Variants in LEPROTL1 observed in about 807,000 individuals in gnomAD.
The protein encoded by LEPROTL1 is leptin receptor overlapping transcript like 1.
Under a neutral mutation model 15.4 loss-of-function variants are expected in LEPROTL1, and 6 were observed. The observed-to-expected ratio is 0.39, with a 90% CI of 0.21 to 0.77. The LOEUF (loss-of-function observed/expected upper bound fraction) is 0.77, where lower values mean the gene tolerates loss of function less well. LEPROTL1 is among the 30% of genes least tolerant of loss of function. The pLI, the probability that LEPROTL1 is intolerant of heterozygous loss-of-function variation, is 0.41. For synonymous variants in LEPROTL1, 56 were observed against 52.6 expected, an observed-to-expected ratio of 1.06 and a Z score of -0.28; for missense variants, 128 against 158.1, an observed-to-expected ratio of 0.81 and a Z score of 1.02.
downstream of LEPROTL1, among the ~76,000 whole-genome samples, chr8:30,109,792 G>C (rs145410836): frequency 6.6e-6 from 1 of 152,076 alleles, no homozygotes; most frequent in African/African-American, 2.4e-5. Context: ...CTTAATTAGG[G>C]TGCCTCCTAC....
intron 3 of LEPROTL1, among the ~76,000 whole-genome samples, chr8:30,122,008 A>T (rs1313387909): frequency 6.6e-6 from 1 of 151,712 alleles, no homozygotes; most frequent in Non-Finnish European, 1.5e-5. Context: ...TCTACTAAAA[A>T]TACAAAAAAT....
At chr8:30,103,514 G>T (rs1310141622) in intron 2 of LEPROTL1, among the ~76,000 whole-genome samples, 1 of 152,088 alleles carries the variant, frequency 6.6e-6, no homozygotes, top group Admixed American at 6.5e-5. Flanking sequence ...GCCAAGGTGG[G>T]TGGATCACCT....
At chr8:30,114,660 ACT>A (rs1040822700) in intron 3 of LEPROTL1, among the ~76,000 whole-genome samples, 9 of 151,962 alleles carry the variant, frequency 5.9e-5, no homozygotes, top group African/African-American at 1.4e-4. Flanking sequence ...GAGTTGGAAA[ACT>A]CTGATGGGAG....
chr8:30,109,773 A>T (rs1290645918), downstream of LEPROTL1, among the ~76,000 whole-genome samples: 1 of 152,184 alleles, frequency 6.6e-6, no homozygotes, highest in Non-Finnish European at 1.5e-5. Context: ...TACACAGTAC[A>T]TCAGTGGACT....
intron 3 of LEPROTL1, chr8:30,131,942 G>A (rs1803023326): frequency 7.8e-6 from 12 of 1,541,208 alleles, no homozygotes; most frequent in African/African-American, 1.4e-5. Flanking sequence ...AGGGAAAGAT[G>A]TCAGTTACAT....
intron 3 of LEPROTL1, among the ~76,000 whole-genome samples, chr8:30,113,768 TGA>T (rs1359813867): frequency 6.6e-6 from 1 of 152,164 alleles, no homozygotes; most frequent in Admixed American, 6.5e-5. Flanking sequence ...CTCCGTTTAG[TGA>T]GACCCTCAAG....
intron 3 of LEPROTL1, among the ~76,000 whole-genome samples, chr8:30,116,749 A>G (rs1235594591): frequency 6.6e-6 from 1 of 152,214 alleles, no homozygotes; most frequent in African/African-American, 2.4e-5. Flanking sequence ...CCTGTGTTCT[A>G]TAAGCTACTG....
downstream of LEPROTL1, among the ~76,000 whole-genome samples, chr8:30,113,213 T>G (rs1339699450): frequency 1.3e-5 from 2 of 151,456 alleles, no homozygotes; most frequent in African/African-American, 2.4e-5. Context: ...GAGGCAGAGG[T>G]TGCAGTAAGC....
intron 1 of LEPROTL1, chr8:30,096,285 G>A (rs1585458269): frequency 1.0e-6 from 1 of 978,234 alleles, no homozygotes; most frequent in East Asian, 1.1e-4. Context: ...TTAAAAAAAG[G>A]AATGTTGCAT....
At chr8:30,127,737 G>T (rs1563219152) in intron 3 of LEPROTL1, among the ~76,000 whole-genome samples, 1 of 150,288 alleles carries the variant, frequency 6.7e-6, no homozygotes, top group Non-Finnish European at 1.5e-5. Context: ...CAATAAATGG[G>T]CCAGAACAAG....
At chr8:30,099,220 G>A (rs980868793) in intron 1 of LEPROTL1, among the ~76,000 whole-genome samples, 3 of 152,258 alleles carry the variant, frequency 2.0e-5, no homozygotes, top group South Asian at 4.1e-4. Context: ...TCTGACACAC[G>A]TTAGGTGCTC....
downstream of LEPROTL1, among the ~76,000 whole-genome samples, chr8:30,110,313 C>G (rs990837644): frequency 1.8e-4 from 28 of 152,112 alleles, no homozygotes; most frequent in African/African-American, 6.0e-4. Context: ...GACCATAAAA[C>G]ACTTATCTTT....
chr8:30,120,017 C>T (rs963160680), intron 3 of LEPROTL1, among the ~76,000 whole-genome samples: 5 of 151,894 alleles, frequency 3.3e-5, no homozygotes, highest in African/African-American at 7.3e-5. Context: ...TGCAGTGAGC[C>T]GAGATGCCAC....
At chr8:30,129,713 A>T (rs368947379) in intron 3 of LEPROTL1, among the ~76,000 whole-genome samples, 2,990 of 71,566 alleles carry the variant, frequency 0.042, 61 homozygotes, top group African/African-American at 0.16. Context: ...AGACCCTGTC[A>T]CACACACACA....
intron 1 of LEPROTL1, among the ~76,000 whole-genome samples, chr8:30,101,670 CAAAAAA>C (rs11316779): frequency 9.5e-5 from 5 of 52,696 alleles, no homozygotes; most frequent in Admixed American, 2.9e-4. Flanking sequence ...CTCCATCTCA[CAAAAAA>C]AAAAAAAAAA....
intron 3 of LEPROTL1, among the ~76,000 whole-genome samples, chr8:30,131,101 T>C (rs996783863): frequency 6.6e-6 from 1 of 150,550 alleles, no homozygotes; most frequent in African/African-American, 2.4e-5. Context: ...GCCCAAAAAA[T>C]TTTTTTAGCA....
At chr8:30,131,782 G>T in intron 3 of LEPROTL1, 1 of 782,392 alleles carries the variant, frequency 1.3e-6, no homozygotes, top group Non-Finnish European at 2.0e-6. Flanking sequence ...GCTTGCTAAA[G>T]TAGATACACA....
chr8:30,109,356 T>C (rs1266776658), downstream of LEPROTL1, among the ~76,000 whole-genome samples: 1 of 152,222 alleles, frequency 6.6e-6, no homozygotes. Context: ...CTGTTCATTT[T>C]ATGGCATTCT....
intron 4 of LEPROTL1, among the ~76,000 whole-genome samples, chr8:30,134,999 C>T (rs1486713317): frequency 6.6e-6 from 1 of 152,146 alleles, no homozygotes; most frequent in Non-Finnish European, 1.5e-5. Flanking sequence ...CCCACCTCTC[C>T]CTCCTGAGAA....
Sources: allele counts gnomAD v4.1 joint callset (sites outside exome capture counted in the v4.1 genomes callset), GRCh38; gene constraint gnomAD v4.1.1; transcripts MANE v1.5; gene names NCBI Gene and HGNC (gene_info 2026-07-23, HGNC 2026-07-21).